CLIP4: variants seen among roughly 807,000 people sequenced by gnomAD.
CLIP4 encodes CAP-Gly domain containing linker protein family member 4, also known as CAP-Gly domain-containing linker protein 4.
Under a neutral mutation model 73.1 loss-of-function variants are expected in CLIP4, and 47 were observed. The observed-to-expected ratio is 0.64, with a 90% CI of 0.51 to 0.82. The LOEUF is 0.82. Among genes scored for constraint, CLIP4 ranks in the 40% least tolerant of loss-of-function variants. CLIP4 has a pLI of 0.00. For missense variants in CLIP4, 874 were observed against 852.9 expected (o/e 1.02, Z -0.31); for synonymous variants, 306 against 295.4 (o/e 1.04, Z -0.37).
chr2:29,145,086 A>G (rs1666062571), intron 7 of CLIP4, 146 bp from the exon 8 acceptor site: 1 of 583,968 alleles, frequency 1.7e-6, no homozygotes, highest in East Asian at 2.9e-5. Flanking sequence ...AAGCATAAAA[A>G]GGTAATGTTG....
intron 1 of CLIP4, among the ~76,000 whole-genome samples, chr2:29,106,300 C>A (rs1668205473): frequency 6.6e-6 from 1 of 152,186 alleles, no homozygotes; most frequent in Non-Finnish European, 1.5e-5. Flanking sequence ...ATTTCCATAA[C>A]TAGATCTCAT....
intron 9 of CLIP4, among the ~76,000 whole-genome samples, chr2:29,154,658 C>T (rs1666801880): frequency 6.6e-6 from 1 of 152,138 alleles, no homozygotes; most frequent in Non-Finnish European, 1.5e-5. Context: ...GGAGGGGACT[C>T]AAGAAAGAGG....
intron 9 of CLIP4, among the ~76,000 whole-genome samples, chr2:29,155,901 G>A (rs1666893013): frequency 6.6e-6 from 1 of 152,164 alleles, no homozygotes; most frequent in South Asian, 2.1e-4. Flanking sequence ...TCCTTAGCTG[G>A]GCACTGGCAT....
In CLIP4 at chr2:29,125,796, C is replaced by T. The variant is rs144467533; in HGVS notation, c.133+4275C>T. On this transcript the variant is annotated intron_variant, in intron 2 of 15. Coordinates refer to ENST00000320081, the MANE Select transcript of CLIP4 (RefSeq NM_024692.6). ...GTTGTGGTTGTTTCAGATGGAAGGGCGAATTTGGCCCTCATTATTCCATCT... is the reference window on the plus strand; with the variant it reads ...GTTGTGGTTGTTTCAGATGGAAGGGTGAATTTGGCCCTCATTATTCCATCT... Among the ~76,000 whole-genome samples the T allele has an allele frequency of 6.6e-3, 1,005 of 152,258 alleles. 2 individuals carry two copies. The highest frequency in any genetic ancestry group is 0.012 in the African/African-American group (482 of 41,534).
chr2:29,170,513 A>G (rs912592501), intron 14 of CLIP4, among the ~76,000 whole-genome samples: 6 of 152,216 alleles, frequency 3.9e-5, no homozygotes, highest in African/African-American at 1.2e-4. Context: ...CATGTATCAG[A>G]CATGTGTTTT....
chr2:29,168,915 C>A (rs145659138), intron 14 of CLIP4, among the ~76,000 whole-genome samples: 31 of 151,142 alleles, frequency 2.1e-4, no homozygotes, highest in African/African-American at 7.3e-4. Context: ...TTTTGTGTTT[C>A]CCATGTGTCA....
At chr2:29,099,484 C>T (rs527908510) in intron 1 of CLIP4, among the ~76,000 whole-genome samples, 2 of 152,248 alleles carry the variant, frequency 1.3e-5, no homozygotes, top group South Asian at 4.1e-4. Flanking sequence ...ATTGAATTGT[C>T]TTTGCTCCTG....
At chr2:29,117,814 A>G (rs1663971494) in intron 1 of CLIP4, among the ~76,000 whole-genome samples, 1 of 152,186 alleles carries the variant, frequency 6.6e-6, no homozygotes, top group South Asian at 2.1e-4. Flanking sequence ...AATCAACACT[A>G]GGCTGTAATT....
At chr2:29,101,979 G>T (rs1451818759) in intron 1 of CLIP4, among the ~76,000 whole-genome samples, 4 of 152,192 alleles carry the variant, frequency 2.6e-5, no homozygotes, top group Non-Finnish European at 5.9e-5. Context: ...TAGGAGGAAA[G>T]CAAACAGCTT....
chr2:29,180,519 G>A lies in CLIP4; in HGVS notation c.1797-1053G>A, dbSNP rs1416547340. Reference sequence around the variant, plus strand: ...CTCGTTAGTGTTAGTGGCTGGGAGGGTGCTAAACCTTTAACCGTAACTGGA... The same window carrying A: ...CTCGTTAGTGTTAGTGGCTGGGAGGATGCTAAACCTTTAACCGTAACTGGA... On this transcript the variant is annotated intron_variant, in intron 15 of 15. Coordinates refer to ENST00000320081, the MANE Select transcript of CLIP4 (RefSeq NM_024692.6). 4.6e-5 allele frequency among the ~76,000 whole-genome samples: 7 copies of A among 152,198 alleles called. No individual in the cohort carries two copies. The East Asian group carries it at 1.4e-3, about 29-fold the overall frequency.
rs1456181779 is a variant in CLIP4, at chr2:29,163,848, G to A, written c.1552G>A (p.Glu518Lys). ...NFAPGYWYGI[E>K]LEKPHGKNDG... ...TGTTCTAGGATATTGGTATGGTATA[G>A]AGCTTGAAAAACCCCATGGCAAGAA... is the stretch of plus-strand genomic sequence containing the variant. The change falls in exon 13 of 16, where the codon GAG becomes AAG. Residue 518 changes from glutamate (E) to lysine (K), a missense_variant. By Grantham distance (56) the Glu-to-Lys change is moderately conservative. Transcript: ENST00000320081. 6.2e-7 allele frequency: 1 copy of A among 1,613,512 alleles called. No homozygotes were observed. Among genetic ancestry groups the A allele is most frequent in the Admixed American group, 1.7e-5 (1 of 60,002 alleles).
At chr2:29,100,948 C>T (rs760611523) in intron 1 of CLIP4, among the ~76,000 whole-genome samples, 1 of 151,960 alleles carries the variant, frequency 6.6e-6, no homozygotes, top group Admixed American at 6.6e-5. Flanking sequence ...CAATAGACAG[C>T]CTGTAAGCTA....
At chr2:29,153,694 G>A (rs902484211) in intron 9 of CLIP4, among the ~76,000 whole-genome samples, 2 of 152,182 alleles carry the variant, frequency 1.3e-5, no homozygotes, top group Admixed American at 1.3e-4. Flanking sequence ...TTTGTAAATA[G>A]TTGAGGTAGA....
rs757845325 is a variant in CLIP4 at position 29,163,844 on chromosome 2, T to C, written c.1548T>C (p.Gly516=). Residue 516 remains glycine, a synonymous_variant, in exon 13 of 16, where the codon GGT becomes GGC. Transcript: ENST00000320081. ...TTNFAPGYWY[G]IELEKPHGKN... The stretch of plus-strand genomic sequence containing the variant: ...TTCATGTTCTAGGATATTGGTATGG[T>C]ATAGAGCTTGAAAAACCCCATGGCA... The C allele has an allele frequency of 6.2e-7, 1 of 1,613,530 alleles. No individual in the cohort carries two copies. Among genetic ancestry groups the C allele is most frequent in the Non-Finnish European group, 8.5e-7 (1 of 1,179,590 alleles).
At chr2:29,154,654 G>A (rs1429421320) in intron 9 of CLIP4, among the ~76,000 whole-genome samples, 3 of 152,146 alleles carry the variant, frequency 2.0e-5, no homozygotes, top group Non-Finnish European at 2.9e-5. Flanking sequence ...GAGAGGAGGG[G>A]ACTCAAGAAA....
chr2:29,113,585 A>T (rs1346546702), upstream of CLIP4, among the ~76,000 whole-genome samples: 1 of 152,232 alleles, frequency 6.6e-6, no homozygotes, highest in Non-Finnish European at 1.5e-5. This position sits in a 1 kb window ranked among gnomAD's most constrained non-coding sequence, Gnocchi z 4.0. Flanking sequence ...GTGGCTTGGT[A>T]TCCTGGGAAT....
Position 29,143,814 on chromosome 2 carries a change from C to T in CLIP4, c.754C>T (p.Leu252=). The T allele has an allele frequency of 1.2e-6, 2 of 1,614,144 alleles. No individual in the cohort carries two copies. Among genetic ancestry groups the T allele is most frequent in the South Asian group, 2.2e-5 (2 of 91,084 alleles). The change falls in exon 7 of 16, where the codon CTA becomes TTA. Residue 252 remains leucine (L), a synonymous_variant. Coordinates refer to ENST00000320081, the MANE Select transcript of CLIP4 (RefSeq NM_024692.6). ...TGCTAAGGAAATCAAGCAGATGCTTCTAGATGCGGTGCCTCTGTCATGTAA... is the reference window on the plus strand; with the variant it reads ...TGCTAAGGAAATCAAGCAGATGCTTTTAGATGCGGTGCCTCTGTCATGTAA... The part of the protein sequence containing the change: ...ATAKEIKQML[L]DAVPLSCNIS...
At chr2:29,150,618 C>T (rs1017518774) in intron 8 of CLIP4, among the ~76,000 whole-genome samples, 3 of 145,006 alleles carry the variant, frequency 2.1e-5, no homozygotes, top group African/African-American at 7.6e-5. Context: ...TAATCAAATA[C>T]ATAACTTAAT....
intron 1 of CLIP4, among the ~76,000 whole-genome samples, chr2:29,098,354 T>G (rs139940334): frequency 3.3e-5 from 5 of 152,370 alleles, no homozygotes; most frequent in Non-Finnish European, 7.3e-5. Flanking sequence ...TACGGTATCA[T>G]GCAGAATAGT....
Sources: gnomAD v4.1 joint callset for allele counts (sites outside exome capture counted in the v4.1 genomes callset) on GRCh38, gnomAD v4.1.1 for gene constraint, Gnocchi (gnomAD v3.1) non-coding constraint, MANE v1.5 for transcripts, NCBI Gene and HGNC (gene_info 2026-07-23, HGNC 2026-07-21) for gene names.